The following ZNF658 variants were observed in gnomAD, a reference collection of about 807,000 sequenced individuals.
ZNF658 encodes the protein zinc finger protein 658.
A neutral mutation model predicts 78.0 loss-of-function variants in ZNF658; 46 were observed. The observed-to-expected ratio is 0.59, with a 90% confidence interval of 0.47 to 0.75. The LOEUF is 0.75. Ranked by LOEUF, ZNF658 falls within the 30% of genes least tolerant of loss-of-function variation. ZNF658 has a pLI of 0.00. For missense variants in ZNF658, 785 were observed against 1,189.3 expected (o/e 0.66, Z 5.00); for synonymous variants, 279 against 408.4 (o/e 0.68, Z 3.82).
Position 66,921,399 on chromosome 9 carries a change from TATA to T in ZNF658, c.*658_*660del, listed in dbSNP as rs1822524315. The T allele has an allele frequency of 6.6e-6, 1 of 151,268 alleles. No individual in the cohort carries two copies. Among genetic ancestry groups the T allele is most frequent in the South Asian group, 2.1e-4 (1 of 4,794 alleles). 9.4% of individuals were successfully genotyped at this position (151,268 alleles called of 1,614,324 possible). On this transcript the variant is annotated 3_prime_UTR_variant, in exon 5 of 5. Coordinates refer to ENST00000621410, the MANE Select transcript of ZNF658 (RefSeq NM_033160.7). ...AAAGTGAATTGCATTAAACATCAAT[TATA>T]ATAAAATTTCATATTTTGAATAAAT...
intron 4 of ZNF658, among the ~76,000 whole-genome samples, chr9:66,914,554 T>C (rs562354382): frequency 7.9e-5 from 12 of 152,166 alleles, no homozygotes; most frequent in Non-Finnish European, 1.6e-4. Context: ...ACATTCAGTC[T>C]CTCTTGAGTA....
At chr9:66,903,370 T>G (rs1420342378) in intron 1 of ZNF658, 148 bp from the exon 2 acceptor site, 2 of 589,348 alleles carry the variant, frequency 3.4e-6, no homozygotes, top group South Asian at 2.1e-5. Context: ...GGCACATGAA[T>G]AGGATTACAT....
rs748814402 is a variant in ZNF658 at position 66,917,933 on chromosome 9, T to A, written c.367T>A (p.Phe123Ile). Reference protein sequence around the residue: ...KEGQKVLEKPFNLEIAPELSE... With the variant: ...KEGQKVLEKPINLEIAPELSE... ...AGGACAGAAAGTTTTAGAAAAACCA[T>A]TTAATCTGGAAATAGCTCCAGAGCT... Residue 123 changes from phenylalanine to isoleucine, a missense_variant, in exon 5 of 5, where the codon TTT (phenylalanine) becomes ATT (isoleucine). Transcript: ENST00000621410. 1.4e-5 allele frequency: 23 copies of A among 1,610,924 alleles called. No homozygotes were observed. The highest frequency in any genetic ancestry group is 1.9e-5 in the Non-Finnish European group (22 of 1,179,630).
chr9:66,931,071 T>C (rs1822638726), intron 6 of ZNF658, among the ~76,000 whole-genome samples: 1 of 151,726 alleles, frequency 6.6e-6, no homozygotes, highest in South Asian at 2.1e-4. Context: ...AGAAAGAAAA[T>C]TGTCAGAAGA....
chr9:66,907,923 G>A, intron 2 of ZNF658, among the ~76,000 whole-genome samples: 1 of 151,386 alleles, frequency 6.6e-6, no homozygotes, highest in East Asian at 1.9e-4. Flanking sequence ...GATGTCCAGG[G>A]AGGGTGTGAA....
Position 66,918,855 on chromosome 9 carries a change from A to G in ZNF658, c.1289A>G (p.His430Arg). ...TGTTCAAGTTCACATCCTATTCAGC[A>G]TCCTGGAACTTATGTGGGATTCAAA... ...SFCSSSHPIQ[H>R]PGTYVGFKLY... The change falls in exon 5 of 5, where the codon CAT becomes CGT. Residue 430 changes from histidine (H) to arginine (R), a missense_variant. By Grantham distance (29) the His-to-Arg change is conservative (BLOSUM62 0). Around this residue, in one of 12 missense-constraint regions of ZNF658, gnomAD observed 393 missense variants for 400.2 expected, o/e 0.98. Transcript: ENST00000621410. 1 of 1,605,232 alleles carries G rather than the reference A, an allele frequency of 6.2e-7. No individual in the cohort carries two copies. Among genetic ancestry groups the G allele is most frequent in the Non-Finnish European group, 8.5e-7 (1 of 1,173,568 alleles).
At chr9:66,903,883 G>GAATATA (rs879273306) in intron 2 of ZNF658, among the ~76,000 whole-genome samples, 1,530 of 151,998 alleles carry the variant, frequency 0.01, 13 homozygotes, top group African/African-American at 0.036. Flanking sequence ...ATTTATCATG[G>GAATATA]AATATAAACA....
At chr9:66,908,783 G>T in intron 4 of ZNF658, 49 bp downstream of exon 4, 1 of 1,552,054 alleles carries the variant, frequency 6.4e-7, no homozygotes, top group Non-Finnish European at 8.8e-7. Context: ...TTAGTCTTTA[G>T]AGGGAGAGCA....
chr9:66,915,545 C>T (rs1298235559), intron 4 of ZNF658, among the ~76,000 whole-genome samples: 5 of 151,200 alleles, frequency 3.3e-5, no homozygotes, highest in African/African-American at 1.2e-4. Flanking sequence ...CATGTTGGCA[C>T]CCTAATCTCA....
In ZNF658 at chr9:66,908,815, C is replaced by G. The variant is rs537916840; in HGVS notation, c.238+81C>G. On this transcript the variant is annotated intron_variant, in intron 4 of 4. Transcript: ENST00000621410. ...AGCACCTTTGAAAGTTTTTTTGGAACAGCTTTATTGAGATATAATTCACAT... is the reference window on the plus strand; with the variant it reads ...AGCACCTTTGAAAGTTTTTTTGGAAGAGCTTTATTGAGATATAATTCACAT... 2.9e-4 allele frequency: 258 copies of G among 891,518 alleles called. 1 individual carries two copies. The African/African-American group carries it at 3.4e-3, about 12-fold the overall frequency. 55.2% of individuals were successfully genotyped at this position (891,518 alleles called of 1,614,324 possible). A position where few individuals can be genotyped will look rare whatever the true frequency, so the allele number is the denominator to read the frequency against.
chr9:66,913,058 AC>A (rs1461776556), intron 4 of ZNF658, among the ~76,000 whole-genome samples: 1 of 150,470 alleles, frequency 6.6e-6, no homozygotes, highest in African/African-American at 2.5e-5. Context: ...TTGGCACCTG[AC>A]AAAATACAAG....
chr9:66,901,533 G>T (rs1347347280), intron 1 of ZNF658, among the ~76,000 whole-genome samples: 2 of 151,630 alleles, frequency 1.3e-5, no homozygotes, highest in Non-Finnish European at 2.9e-5. Flanking sequence ...TCGGGTCTCT[G>T]ATTCAGGCTG....
chr9:66,904,777 A>G (rs1223654699), intron 2 of ZNF658, among the ~76,000 whole-genome samples: 1 of 152,048 alleles, frequency 6.6e-6, no homozygotes, highest in Non-Finnish European at 1.5e-5. Context: ...ATTATTTCTT[A>G]TAGGCAGTCT....
At chr9:66,909,002 C>T (rs1822150852) in intron 4 of ZNF658, among the ~76,000 whole-genome samples, 1 of 152,168 alleles carries the variant, frequency 6.6e-6, no homozygotes, top group Non-Finnish European at 1.5e-5. Context: ...ATGTACATGG[C>T]ATTTACATTG....
chr9:66,931,498 T>G (rs919519582), intron 6 of ZNF658, among the ~76,000 whole-genome samples: 8 of 152,086 alleles, frequency 5.3e-5, no homozygotes, highest in African/African-American at 1.9e-4. Flanking sequence ...GAACCATATA[T>G]CTAGTAGAAC....
chr9:66,904,229 C>T (rs1451170725), intron 2 of ZNF658, among the ~76,000 whole-genome samples: 3 of 151,866 alleles, frequency 2.0e-5, no homozygotes, highest in Admixed American at 6.6e-5. Context: ...TTTTTCTTGC[C>T]ACTTGCCTGG....
intron 1 of ZNF658, chr9:66,903,313 C>T: frequency 2.0e-6 from 1 of 509,818 alleles, no homozygotes; most frequent in South Asian, 2.5e-5. Flanking sequence ...GGACATTCTG[C>T]ATTGGGAATC....
At chr9:66,914,022 C>A (rs1204804742) in intron 4 of ZNF658, among the ~76,000 whole-genome samples, 1 of 144,264 alleles carries the variant, frequency 6.9e-6, no homozygotes, top group East Asian at 2.0e-4. Context: ...CAGTTTTCAT[C>A]TTGTGTATAA....
chr9:66,919,949 GA>G lies in ZNF658; in HGVS notation c.2388del (p.Lys796AsnfsTer19), dbSNP rs1194296981. The G allele has an allele frequency of 3.7e-6, 6 of 1,606,906 alleles. No individual in the cohort carries two copies. The East Asian group carries it at 8.9e-5, about 24-fold the overall frequency. Reference protein sequence around the residue: ...LSGHERIHTGEKPYECNVCGK... With the variant: ...LSGHERIHTGXKPYECNVCGK... ...TGGACATGAGAGAATTCACACAGGG[GA>G]AAAACCGTATGAATGTAACGTATGT... On this transcript the variant is annotated frameshift_variant, in exon 5 of 5. Transcript: ENST00000621410. LOFTEE classifies it high-confidence loss of function.
Sources: gnomAD v4.1 joint callset for allele counts (sites outside exome capture counted in the v4.1 genomes callset) on GRCh38, gnomAD v4.1.1 for gene constraint, gnomAD v4.1.1 regional missense constraint, MANE v1.5 for transcripts, NCBI Gene and HGNC (gene_info 2026-07-23, HGNC 2026-07-21) for gene names.